Variants in KIF16B observed in about 807,000 individuals in gnomAD.
KIF16B encodes the protein kinesin-like protein KIF16B.
Under a neutral mutation model 156.3 loss-of-function variants are expected in KIF16B, and 98 were observed. That is an observed-to-expected ratio of 0.63 (90% CI 0.53 to 0.74). The LOEUF is 0.74. KIF16B is among the 30% of genes least tolerant of loss of function. The pLI, the probability that KIF16B is intolerant of heterozygous loss-of-function variation, is 0.00. For missense variants in KIF16B, 1,421 were observed against 1,606.5 expected, an observed-to-expected ratio of 0.88 and a Z score of 1.97; for synonymous variants, 564 against 583.7, an observed-to-expected ratio of 0.97 and a Z score of 0.49.
intron 22 of KIF16B, among the ~76,000 whole-genome samples, chr20:16,358,178 G>C (rs2064482514): frequency 6.6e-6 from 1 of 152,022 alleles, no homozygotes; most frequent in South Asian, 2.1e-4. Flanking sequence ...GACAGAGCGA[G>C]ACTCCATCTC....
At chr20:16,426,481 A>G (rs2066355505) in intron 15 of KIF16B, among the ~76,000 whole-genome samples, 1 of 152,178 alleles carries the variant, frequency 6.6e-6, no homozygotes, top group South Asian at 2.1e-4. Context: ...CACAAAGAAC[A>G]CTGCTGGGAC....
intron 22 of KIF16B, among the ~76,000 whole-genome samples, chr20:16,357,861 T>C (rs2064474319): frequency 6.6e-6 from 1 of 152,216 alleles, no homozygotes; most frequent in African/African-American, 2.4e-5. Flanking sequence ...TTGTTTATCA[T>C]AATGGTACAC....
intron 15 of KIF16B, among the ~76,000 whole-genome samples, chr20:16,411,147 TCA>T (rs1243473578): frequency 1.3e-5 from 2 of 152,124 alleles, no homozygotes; most frequent in African/African-American, 4.8e-5. Context: ...TGCTGAATAT[TCA>T]CAGTTTCCTT....
At chr20:16,370,515 TAAGAA>T in intron 22 of KIF16B, 66 bp downstream of exon 22, 2 of 1,274,960 alleles carry the variant, frequency 1.6e-6, no homozygotes, top group South Asian at 1.5e-5. Flanking sequence ...AACTAGACAT[TAAGAA>T]AATGTAATCA....
At chr20:16,519,934 C>G (rs1019878743) in intron 3 of KIF16B, among the ~76,000 whole-genome samples, 2 of 152,186 alleles carry the variant, frequency 1.3e-5, no homozygotes, top group African/African-American at 4.8e-5. Flanking sequence ...GAACTCCCTC[C>G]CCTAGCCAAG....
At chr20:16,300,274 ACT>A (rs1382549667) in intron 25 of KIF16B, among the ~76,000 whole-genome samples, 1 of 152,178 alleles carries the variant, frequency 6.6e-6, no homozygotes, top group African/African-American at 2.4e-5. Flanking sequence ...TACAACAGTG[ACT>A]CTCAAATTTT....
chr20:16,370,381 T>C (rs1286650263), intron 22 of KIF16B, among the ~76,000 whole-genome samples: 1 of 152,204 alleles, frequency 6.6e-6, no homozygotes. Flanking sequence ...CACAGCTACA[T>C]GCCATTCAAA....
At chr20:16,470,133 G>A (rs1905010058) in intron 12 of KIF16B, among the ~76,000 whole-genome samples, 1 of 152,090 alleles carries the variant, frequency 6.6e-6, no homozygotes, top group South Asian at 2.1e-4. Context: ...TTTAGAAAAG[G>A]CAAAACTATG....
intron 11 of KIF16B, among the ~76,000 whole-genome samples, chr20:16,495,355 T>A (rs2068419167): frequency 6.6e-6 from 1 of 152,224 alleles, no homozygotes; most frequent in Non-Finnish European, 1.5e-5. Flanking sequence ...AAACTGATTT[T>A]CTATATGCCA....
intron 25 of KIF16B, among the ~76,000 whole-genome samples, chr20:16,305,814 A>G (rs1482623887): frequency 6.6e-6 from 1 of 152,156 alleles, no homozygotes; most frequent in Non-Finnish European, 1.5e-5. Flanking sequence ...ACTTAACATA[A>G]TGACCTCCAG....
rs139711574 is a variant in KIF16B at position 16,378,904 on chromosome 20, C to G, written c.3098G>C (p.Arg1033Thr). Residue 1033 changes from arginine to threonine, a missense_variant, in exon 19 of 26, where the codon AGG becomes ACG. By Grantham distance (71) the Arg-to-Thr change is moderately conservative. Coordinates refer to ENST00000354981, the MANE Select transcript of KIF16B (RefSeq NM_024704.5). Reference sequence around the variant, plus strand: ...ACTGTTCAGACTGGCAAGTTTCTGCCTCTGCTCTTCAATCTCCATGCCCAG... The same window carrying G: ...ACTGTTCAGACTGGCAAGTTTCTGCGTCTGCTCTTCAATCTCCATGCCCAG... ...STLGMEIEEQRQKLASLNSGS... is the reference protein window; with the variant it reads ...STLGMEIEEQTQKLASLNSGS... 3.5e-4 allele frequency: 561 copies of G among 1,614,066 alleles called. No individual in the cohort carries two copies. Among genetic ancestry groups the G allele is most frequent in the South Asian group, 9.1e-4 (83 of 91,078 alleles).
chr20:16,544,178 CCT>C (rs957051783), intron 1 of KIF16B, among the ~76,000 whole-genome samples: 5 of 152,152 alleles, frequency 3.3e-5, no homozygotes, highest in African/African-American at 1.2e-4. Context: ...CCCAGGCTCC[CCT>C]GTCCCATTCC....
At chr20:16,367,304 T>C in intron 22 of KIF16B, 2 of 1,612,916 alleles carry the variant, frequency 1.2e-6, no homozygotes. Flanking sequence ...TCAGGTGGAC[T>C]ATTTCTGGAA....
intron 12 of KIF16B, among the ~76,000 whole-genome samples, chr20:16,483,718 A>T (rs2068040819): frequency 6.6e-6 from 1 of 152,018 alleles, no homozygotes; most frequent in African/African-American, 2.4e-5. Flanking sequence ...ACGTCAGAAA[A>T]ATCATAAATT....
chr20:16,431,374 T>C (rs1344244750), intron 12 of KIF16B, among the ~76,000 whole-genome samples: 1 of 152,200 alleles, frequency 6.6e-6, no homozygotes, highest in East Asian at 1.9e-4. Flanking sequence ...TCTCATCCCA[T>C]GCTCACTCAC....
At chr20:16,470,913 C>G (rs2067645691) in intron 12 of KIF16B, among the ~76,000 whole-genome samples, 1 of 152,032 alleles carries the variant, frequency 6.6e-6, no homozygotes, top group Non-Finnish European at 1.5e-5. Flanking sequence ...GTGAACATAG[C>G]ACCTTCACTC....
intron 10 of KIF16B, among the ~76,000 whole-genome samples, chr20:16,499,079 G>A (rs1202956297): frequency 6.6e-6 from 1 of 152,132 alleles, no homozygotes; most frequent in Non-Finnish European, 1.5e-5. Flanking sequence ...ATGTCCCCGA[G>A]CTATTGTCTT....
intron 11 of KIF16B, among the ~76,000 whole-genome samples, chr20:16,496,663 T>A (rs2068459740): frequency 6.6e-6 from 1 of 152,188 alleles, no homozygotes; most frequent in Non-Finnish European, 1.5e-5. Context: ...TTGGTATTCA[T>A]GAAAACTATT....
intron 25 of KIF16B, among the ~76,000 whole-genome samples, chr20:16,304,028 G>A (rs754439670): frequency 2.8e-4 from 43 of 152,164 alleles, no homozygotes; most frequent in Non-Finnish European, 5.7e-4. Context: ...CTCATAGGGT[G>A]TTTTGATTCC....
Sources: gnomAD v4.1 joint callset for allele counts (sites outside exome capture counted in the v4.1 genomes callset) on GRCh38, gnomAD v4.1.1 for gene constraint, MANE v1.5 for transcripts, NCBI Gene and HGNC (gene_info 2026-07-23, HGNC 2026-07-21) for gene names.